The following COL6A2 variants were observed in gnomAD, a reference collection of about 807,000 sequenced individuals.
COL6A2 encodes collagen type VI alpha 2 chain, also known as collagen alpha-2(VI) chain.
Under a neutral mutation model 124.9 loss-of-function variants are expected in COL6A2, and 90 were observed. The ratio of observed to expected loss-of-function variants is 0.72; its 90% CI spans 0.61 to 0.86. The LOEUF (loss-of-function observed/expected upper bound fraction) is 0.86, where lower values mean the gene tolerates loss of function less well. Ranked by LOEUF, COL6A2 falls within the 40% of genes least tolerant of loss-of-function variation. The pLI, the probability that COL6A2 is intolerant of heterozygous loss-of-function variation, is 0.00. For missense variants in COL6A2, 1,607 were observed against 1,502.5 expected (o/e 1.07, Z -1.15); for synonymous variants, 793 against 618.2 (o/e 1.28, Z -4.19).
intron 15 of COL6A2, among the ~76,000 whole-genome samples, chr21:46,120,094 G>GCC (rs772565716): frequency 1.3e-4 from 9 of 68,736 alleles, no homozygotes; most frequent in Non-Finnish European, 2.4e-4. Context: ...TTCACCCCCG[G>GCC]CCCACTGAGG....
rs2078464831 is a variant in COL6A2, at chr21:46,116,006, C to G, written c.856-3C>G. On this transcript the variant is annotated splice_polypyrimidine_tract_variant and splice_region_variant and intron_variant, in intron 6 of 27. Transcript: ENST00000300527. This position sits in a 1 kb window ranked among gnomAD's most constrained non-coding sequence, Gnocchi z 4.6. The stretch of plus-strand genomic sequence containing the variant: ...GCTCACACTGCTGCGTTGTCCTTCA[C>G]AGGGAGACCCGGGCATCGAAGGCCC... The G allele has an allele frequency of 6.2e-7, 1 of 1,610,620 alleles. No individual in the cohort carries two copies.
At chr21:46,128,834 TG>T in intron 27 of COL6A2, 1 of 1,326,296 alleles carries the variant, frequency 7.5e-7, no homozygotes. Flanking sequence ...GAGGGGTGGC[TG>T]GGGTCTTCCT....
Position 46,117,829 on chromosome 21 carries a change from C to T in COL6A2, c.1054-45C>T, listed in dbSNP as rs770469999. On this transcript the variant is annotated intron_variant, in intron 11 of 27. Transcript: ENST00000300527. ...CTTGGGCCCTGGCTCATGGGGAGAA[C>T]CCCACCCGCCGTGTGCCGAGCTCCA... 6 of 1,579,720 alleles carry T rather than the reference C, an allele frequency of 3.8e-6. No individual in the cohort carries two copies. The Admixed American group carries it at 5.4e-5, about 14-fold the overall frequency.
At chr21:46,107,175 T>C (rs1323018839) in intron 1 of COL6A2, among the ~76,000 whole-genome samples, 2 of 152,212 alleles carry the variant, frequency 1.3e-5, no homozygotes, top group Non-Finnish European at 2.9e-5. Flanking sequence ...TGCAACATTT[T>C]CTAACTGGTT....
chr21:46,115,972 C>T (rs761608972), intron 6 of COL6A2, 37 bp from the exon 7 acceptor site: 2 of 1,611,568 alleles, frequency 1.2e-6, no homozygotes, highest in East Asian at 4.5e-5. Context: ...CCCAGCGCCC[C>T]AGGGCTGGGC....
At chr21:46,131,165 G>A (rs1333873490) in intron 27 of COL6A2, among the ~76,000 whole-genome samples, 3 of 152,214 alleles carry the variant, frequency 2.0e-5, no homozygotes, top group East Asian at 3.9e-4. Flanking sequence ...AGGAGCTGAG[G>A]TCTTGGTGAG....
Position 46,128,329 on chromosome 21 carries a change from C to T in COL6A2, c.2461+1788C>T, listed in dbSNP as rs116892821. 1.3e-4 allele frequency among the ~76,000 whole-genome samples: 20 copies of T among 152,368 alleles called. No individual in the cohort carries two copies. The East Asian group carries it at 3.9e-3, about 29-fold the overall frequency. ...GACACCTCATCCCCGACACTCAGAG[C>T]TCATCCTCCTTCCCAGCTGTTTCCA... On this transcript the variant is annotated intron_variant, in intron 27 of 27. Coordinates refer to ENST00000300527, the MANE Select transcript of COL6A2 (RefSeq NM_001849.4).
chr21:46,098,409 G>A (rs1227563017), intron 1 of COL6A2, among the ~76,000 whole-genome samples: 3 of 149,192 alleles, frequency 2.0e-5, no homozygotes, highest in African/African-American at 7.3e-5. Context: ...GCGACTTGGG[G>A]CCACCTCCCC....
In COL6A2 at chr21:46,118,649, G is replaced by T; in HGVS notation, c.1152G>T (p.Pro384=). ...DPGRPGRRGP[P]GEIGAKGSKG... is the part of the protein sequence containing the mutation. The stretch of plus-strand genomic sequence containing the variant: ...GCCGCCCAGGACGCAGAGGGCCCCC[G>T]GGAGAAATCGGGGCCAAGGGAAGCA... Residue 384 remains proline (P), a synonymous_variant, in exon 13 of 28, where the codon CCG becomes CCT. Coordinates refer to ENST00000300527, the MANE Select transcript of COL6A2 (RefSeq NM_001849.4). 1 of 1,611,994 alleles carries T rather than the reference G, an allele frequency of 6.2e-7. No homozygotes were observed. The highest frequency in any genetic ancestry group is 8.5e-7 in the Non-Finnish European group (1 of 1,179,708).
At position 46,125,517 on chromosome 21, in the gene COL6A2, CGA is replaced by C. The variant is rs1568939577; in HGVS notation, c.1873_1874del (p.Ser625HisfsTer25). The C allele has an allele frequency of 1.9e-6, 3 of 1,612,978 alleles. No homozygotes were observed. Among genetic ancestry groups the C allele is most frequent in the Non-Finnish European group, 2.5e-6 (3 of 1,179,978 alleles). ...LDVVFVIDSS[E>X]SIGYTNFTLE... ...ACGTGGTCTTCGTCATCGACAGCTC[CGA>C]GAGCATTGGGTACACCAACTTCACA... On this transcript the variant is annotated frameshift_variant, in exon 25 of 28. Coordinates refer to ENST00000300527, the MANE Select transcript of COL6A2 (RefSeq NM_001849.4). LOFTEE classifies it high-confidence loss of function.
At chr21:46,128,125 T>A (rs1309205580) in intron 27 of COL6A2, among the ~76,000 whole-genome samples, 1 of 152,198 alleles carries the variant, frequency 6.6e-6, no homozygotes, top group African/African-American at 2.4e-5. Context: ...GACGGTGACA[T>A]GGAGTGAGCC....
rs754203636 is a variant in COL6A2, at chr21:46,126,212, T to C, written c.2397T>C (p.Asp799=). The part of the protein sequence containing the change: ...FSDLVAEKFI[D]DMEDVLCPDP... ...ACCTGGTCGCTGAGAAGTTCATCGA[T>C]GACATGGAGGACGTCCTCTGCCCGG... The change falls in exon 26 of 28, where the codon GAT becomes GAC. Residue 799 remains aspartate (D), a synonymous_variant. Transcript: ENST00000300527. 5.0e-6 allele frequency: 8 copies of C among 1,601,004 alleles called. No homozygotes were observed. Among genetic ancestry groups the C allele is most frequent in the Non-Finnish European group, 5.9e-6 (7 of 1,179,414 alleles).
chr21:46,118,369 C>T (rs959634425), intron 12 of COL6A2, among the ~76,000 whole-genome samples: 1 of 152,174 alleles, frequency 6.6e-6, no homozygotes, highest in East Asian at 1.9e-4. Context: ...TCCCTCAGCC[C>T]AAGCCCAAGT....
At chr21:46,121,192 C>G in intron 17 of COL6A2, 69 bp downstream of exon 17, 1 of 1,456,024 alleles carries the variant, frequency 6.9e-7, no homozygotes, top group Non-Finnish European at 9.6e-7. Context: ...CATGTGGGGA[C>G]AGCCTGGAGC....
intron 23 of COL6A2, 34 bp from the exon 24 acceptor site, chr21:46,125,231 CG>C: frequency 2.5e-6 from 4 of 1,604,808 alleles, no homozygotes; most frequent in Non-Finnish European, 2.6e-6. Context: ...TCTGGGGCCC[CG>C]GGGGGACTAC....
intron 27 of COL6A2, chr21:46,129,454 T>C (rs372461058): frequency 1.2e-6 from 2 of 1,601,994 alleles, no homozygotes; most frequent in East Asian, 2.2e-5. Flanking sequence ...CACAGGGACA[T>C]CGTGGGGGAC....
chr21:46,132,477 C>T lies in COL6A2; in HGVS notation c.2985C>T (p.Ala995=), dbSNP rs752243349. 89 of 1,606,806 alleles carry T rather than the reference C, an allele frequency of 5.5e-5. No individual in the cohort carries two copies. In the East Asian group the frequency reaches 5.6e-4, roughly 10 times the overall value. Residue 995 remains alanine, a synonymous_variant, in exon 28 of 28, where the codon GCC becomes GCT. Transcript: ENST00000300527. ...LTTLSLGDRA[A]VFHEKDYDSL... The stretch of plus-strand genomic sequence containing the variant: ...CGCTCAGCCTGGGTGACCGCGCCGC[C>T]GTGTTCCACGAGAAGGACTATGACA...
At chr21:46,120,384 G>A (rs1200278851) in intron 15 of COL6A2, 131 bp from the exon 16 acceptor site, 3 of 700,932 alleles carry the variant, frequency 4.3e-6, no homozygotes, top group Non-Finnish European at 7.3e-6. Context: ...ACTGTTGCAG[G>A]TCCCCCGGGA....
chr21:46,111,388 T>C, intron 1 of COL6A2, 62 bp from the exon 2 acceptor site: 1 of 935,074 alleles, frequency 1.1e-6, no homozygotes. Flanking sequence ...GCGCCTGCCA[T>C]GGGGGAGGGT....
Sources: gnomAD v4.1 joint callset for allele counts (sites outside exome capture counted in the v4.1 genomes callset) on GRCh38, gnomAD v4.1.1 for gene constraint, Gnocchi (gnomAD v3.1) non-coding constraint, MANE v1.5 for transcripts, NCBI Gene and HGNC (gene_info 2026-07-23, HGNC 2026-07-21) for gene names.